PILRA: variants seen among roughly 807,000 people sequenced by gnomAD.
The protein encoded by PILRA is paired immunoglobulin-like type 2 receptor alpha.
Under a neutral mutation model 33.1 loss-of-function variants are expected in PILRA, and 37 were observed. The observed-to-expected ratio is 1.12, with a 90% CI of 0.86 to 1.47. The LOEUF is 1.47. Among genes scored for constraint, PILRA ranks in the 40% most tolerant of loss-of-function variants. The pLI is 0.00. For synonymous variants in PILRA, 146 were observed against 149.9 expected (o/e 0.97, Z 0.19); for missense variants, 312 against 376.2 (o/e 0.83, Z 1.41).
At chr7:100,374,538 C>T (rs1371063245) in intron 2 of PILRA, 105 bp downstream of exon 2, 3 of 1,370,458 alleles carry the variant, frequency 2.2e-6, no homozygotes, top group South Asian at 2.4e-5. Context: ...TTCTGACGAC[C>T]CCTAAGTTCT....
chr7:100,389,993 C>G lies in PILRA; in HGVS notation c.560C>G (p.Ser187Ter). Residue 187 changes from serine to a stop codon, truncating the protein, a stop_gained, in exon 3 of 7, where the codon TCA (serine) becomes TGA (stop). Coordinates refer to ENST00000198536, the MANE Select transcript of PILRA (RefSeq NM_013439.3). LOFTEE classifies it high-confidence loss of function. ...GLRVTQGKRR[S>*]DSWHISLETA... ...AGGGTCACACAGGGCAAACGACGCT[C>G]AGACTCTTGGCACATAAGTCTGGAG... 6.2e-7 allele frequency: 1 copy of G among 1,614,126 alleles called. No homozygotes were observed. The highest frequency in any genetic ancestry group is 8.5e-7 in the Non-Finnish European group (1 of 1,179,994).
In PILRA at chr7:100,386,154, A is replaced by T. The variant is rs935075999; in HGVS notation, c.455-3734A>T. Among the ~76,000 whole-genome samples, 3 of 152,108 alleles carry T rather than the reference A, an allele frequency of 2.0e-5. No homozygotes were observed. The East Asian group carries it at 5.8e-4, about 29-fold the overall frequency. ...TCTGATTCCTGACCTCAGATGATCC[A>T]CCTGCCTTGGCCTCCCAAAGTGCTG... On this transcript the variant is annotated intron_variant, in intron 2 of 6. Coordinates refer to ENST00000198536, the MANE Select transcript of PILRA (RefSeq NM_013439.3).
intron 2 of PILRA, chr7:100,376,008 G>C (rs1418121432): frequency 6.6e-6 from 1 of 152,212 alleles, no homozygotes. Flanking sequence ...GGGGTGCATT[G>C]TCTGTAGAAA....
intron 2 of PILRA, among the ~76,000 whole-genome samples, chr7:100,388,315 C>T (rs564432113): frequency 1.3e-5 from 2 of 151,926 alleles, no homozygotes; most frequent in Non-Finnish European, 2.9e-5. Flanking sequence ...TTTAAGGGTG[C>T]GTGAAACATC....
intron 3 of PILRA, among the ~76,000 whole-genome samples, chr7:100,390,654 A>G (rs1791372544): frequency 6.6e-6 from 1 of 152,214 alleles, no homozygotes; most frequent in African/African-American, 2.4e-5. Context: ...AAGGAGAGGT[A>G]ATCAGAGAGG....
chr7:100,387,002 C>G (rs1315457349), intron 2 of PILRA, among the ~76,000 whole-genome samples: 3 of 152,256 alleles, frequency 2.0e-5, no homozygotes, highest in Middle Eastern at 6.8e-3. Context: ...TTTAAAACTT[C>G]CTAAGCATGG....
intron 2 of PILRA, among the ~76,000 whole-genome samples, chr7:100,383,998 C>T (rs761163701): frequency 2.0e-5 from 3 of 152,006 alleles, no homozygotes; most frequent in Non-Finnish European, 1.5e-5. Flanking sequence ...TATAGGTGAG[C>T]GAAGTCAGAA....
upstream of PILRA, among the ~76,000 whole-genome samples, chr7:100,372,382 C>A (rs1184565020): frequency 1.3e-5 from 2 of 152,064 alleles, no homozygotes; most frequent in East Asian, 3.9e-4. Flanking sequence ...GAAGGGAGGC[C>A]CGTCCCTGCC....
intron 2 of PILRA, among the ~76,000 whole-genome samples, chr7:100,375,575 T>G (rs1465562979): frequency 1.3e-5 from 2 of 152,074 alleles, no homozygotes; most frequent in East Asian, 3.9e-4. Context: ...CTACTAAACA[T>G]ACAAAAATTA....
intron 2 of PILRA, among the ~76,000 whole-genome samples, chr7:100,383,791 C>T (rs1791181447): frequency 6.6e-6 from 1 of 152,086 alleles, no homozygotes; most frequent in Admixed American, 6.5e-5. Context: ...TACCTGCCAC[C>T]ACACCCGGCT....
rs925769134 is a variant in PILRA, at chr7:100,400,040, C to T, written c.*133C>T. ...TTCAGGGCCAGCTTTGATAATGGAG[C>T]GAGATGCCATCTCTAGTTAAAAATA... On this transcript the variant is annotated 3_prime_UTR_variant, in exon 7 of 7. Transcript: ENST00000198536. 5 of 746,240 alleles carry T rather than the reference C, an allele frequency of 6.7e-6. No individual in the cohort carries two copies. Among genetic ancestry groups the T allele is most frequent in the Admixed American group, 3.1e-5 (1 of 32,508 alleles). 46.2% of individuals were successfully genotyped at this position (746,240 alleles called of 1,614,324 possible). A position where few individuals can be genotyped will look rare whatever the true frequency, so the allele number is the denominator to read the frequency against.
chr7:100,386,245 C>T (rs1195059139), intron 2 of PILRA, among the ~76,000 whole-genome samples: 1 of 152,170 alleles, frequency 6.6e-6, no homozygotes, highest in Non-Finnish European at 1.5e-5. Flanking sequence ...CTTCGCAGAG[C>T]AGGGCTAACT....
At chr7:100,378,239 C>A (rs1164854623) in intron 2 of PILRA, among the ~76,000 whole-genome samples, 1 of 151,924 alleles carries the variant, frequency 6.6e-6, no homozygotes, top group African/African-American at 2.4e-5. Context: ...ATGGTCCCAG[C>A]TACTCAGGAG....
upstream of PILRA, among the ~76,000 whole-genome samples, chr7:100,371,954 C>T (rs1790824507): frequency 6.6e-6 from 1 of 152,210 alleles, no homozygotes; most frequent in Admixed American, 6.5e-5. Context: ...GCAGCATGTG[C>T]CCTCCAGAGC....
chr7:100,378,760 G>C (rs559584810), intron 2 of PILRA, among the ~76,000 whole-genome samples: 1 of 152,134 alleles, frequency 6.6e-6, no homozygotes, highest in African/African-American at 2.4e-5. Flanking sequence ...TAATATGCAA[G>C]ATTACTTTAT....
intron 4 of PILRA, among the ~76,000 whole-genome samples, chr7:100,398,761 A>G (rs1791552214): frequency 6.6e-6 from 1 of 152,106 alleles, no homozygotes; most frequent in African/African-American, 2.4e-5. Flanking sequence ...TCTCTAGAAG[A>G]ACCCAACTCA....
intron 2 of PILRA, among the ~76,000 whole-genome samples, chr7:100,382,942 C>T (rs973845130): frequency 4.6e-5 from 7 of 152,188 alleles, no homozygotes; most frequent in Non-Finnish European, 7.3e-5. Context: ...TGCAAGCGTC[C>T]GTGGCTTCAT....
chr7:100,382,018 A>G (rs1013495161), intron 2 of PILRA, among the ~76,000 whole-genome samples: 1 of 81,930 alleles, frequency 1.2e-5, no homozygotes, highest in Non-Finnish European at 2.6e-5. Flanking sequence ...CCCCCACCCC[A>G]CCCCCGTAGG....
At chr7:100,391,601 T>A (rs551603447) in intron 3 of PILRA, among the ~76,000 whole-genome samples, 1 of 152,208 alleles carries the variant, frequency 6.6e-6, no homozygotes, top group Non-Finnish European at 1.5e-5. Context: ...GTGAGAAGAC[T>A]GCTTGAGCCT....
Sources: gnomAD v4.1 joint callset for allele counts (sites outside exome capture counted in the v4.1 genomes callset) on GRCh38, gnomAD v4.1.1 for gene constraint, MANE v1.5 for transcripts, NCBI Gene and HGNC (gene_info 2026-07-23, HGNC 2026-07-21) for gene names.